Variants in TAOK3 observed in about 807,000 individuals in gnomAD.
TAOK3 encodes TAO kinase 3.
TAOK3 carries 40 observed loss-of-function variants against 120.4 expected under a neutral mutation model. The observed-to-expected ratio is 0.33, with a 90% CI of 0.26 to 0.43. The LOEUF is 0.43. TAOK3 is among the 20% of genes least tolerant of loss of function. TAOK3 has a pLI of 1.00. For missense variants in TAOK3, 821 were observed against 1,112.1 expected (o/e 0.74, Z 3.72); for synonymous variants, 355 against 387.5 (o/e 0.92, Z 0.99).
intron 1 of TAOK3, among the ~76,000 whole-genome samples, chr12:118,324,135 T>G (rs573305901): frequency 1.3e-5 from 2 of 152,304 alleles, no homozygotes; most frequent in East Asian, 3.9e-4. Flanking sequence ...TTTCTCATCT[T>G]TCATCAAAAG....
chr12:118,243,970 T>C (rs1029471352), intron 4 of TAOK3, among the ~76,000 whole-genome samples: 1 of 151,904 alleles, frequency 6.6e-6, no homozygotes, highest in Non-Finnish European at 1.5e-5. Flanking sequence ...TGAGACACTG[T>C]GCCCGGCCTA....
intron 2 of TAOK3, chr12:118,261,705 A>C (rs992982062): frequency 2.6e-5 from 4 of 152,212 alleles, no homozygotes; most frequent in Non-Finnish European, 4.4e-5. Flanking sequence ...GAAAAAAAGA[A>C]ACAAAAAGCA....
At chr12:118,178,210 C>T (rs2036469868) in intron 15 of TAOK3, among the ~76,000 whole-genome samples, 1 of 152,154 alleles carries the variant, frequency 6.6e-6, no homozygotes. Flanking sequence ...CCTCAGCTTC[C>T]CAAAGTGCTG....
chr12:118,212,888 C>G, intron 11 of TAOK3, 26 bp downstream of exon 11: 2 of 1,478,436 alleles, frequency 1.4e-6, no homozygotes, highest in Non-Finnish European at 1.9e-6. Context: ...AAATCCCCCT[C>G]CTCAAATATA....
At chr12:118,181,936 G>C (rs1252439012) in intron 14 of TAOK3, among the ~76,000 whole-genome samples, 1 of 152,234 alleles carries the variant, frequency 6.6e-6, no homozygotes, top group Admixed American at 6.5e-5. Context: ...TGTAATCCCA[G>C]TACTTTGGGA....
At chr12:118,227,972 ATTATAACAGACACCTATCACTTAGAT>A (rs1289151813) in intron 9 of TAOK3, among the ~76,000 whole-genome samples, 1 of 152,184 alleles carries the variant, frequency 6.6e-6, no homozygotes, top group Non-Finnish European at 1.5e-5. Context: ...TTTGTAGAAT[ATTATAACAGACACCTATCACTTAGAT>A]TTATTATAAT....
chr12:118,225,172 C>T (rs151311841), intron 9 of TAOK3, among the ~76,000 whole-genome samples: 3,558 of 143,738 alleles, frequency 0.025, 72 homozygotes, highest in Non-Finnish European at 0.039. Context: ...CACTTGAGTC[C>T]AGGGGGTGGA....
chr12:118,236,305 C>T (rs2040017919), intron 7 of TAOK3: 2 of 152,084 alleles, frequency 1.3e-5, no homozygotes, highest in African/African-American at 4.8e-5. Context: ...AAGATCAAAA[C>T]AAACAAGGAT....
intron 19 of TAOK3, chr12:118,159,655 GACAAA>G (rs1487960133): frequency 6.2e-6 from 1 of 160,372 alleles, no homozygotes; most frequent in Non-Finnish European, 1.4e-5. Flanking sequence ...TGGCTTGACT[GACAAA>G]TTGTCTGTCT....
chr12:118,283,155 G>A lies in TAOK3; in HGVS notation c.-193-16396C>T, dbSNP rs140312243. Among the ~76,000 whole-genome samples the A allele has an allele frequency of 3.9e-5, 6 of 152,276 alleles. No individual in the cohort carries two copies. In the East Asian group the frequency reaches 1.2e-3, roughly 29 times the overall value. On this transcript the variant is annotated intron_variant, in intron 1 of 20. Transcript: ENST00000392533. ...TCTCATGAGTTTTATAAGAGGTATA[G>A]TAGCTGAAGCAGTGCTCAAGTATTC...
intron 1 of TAOK3, among the ~76,000 whole-genome samples, chr12:118,356,575 C>T (rs1187025740): frequency 6.6e-6 from 1 of 151,880 alleles, no homozygotes. Flanking sequence ...GCTGGGATTA[C>T]AGGCGTCAGC....
intron 16 of TAOK3, 102 bp downstream of exon 16, chr12:118,177,099 G>C: frequency 8.0e-7 from 1 of 1,257,730 alleles, no homozygotes; most frequent in African/African-American, 1.5e-5. Flanking sequence ...TAAAGTTTGA[G>C]ACTCACTGGA....
chr12:118,267,435 G>A (rs897486252), intron 1 of TAOK3, among the ~76,000 whole-genome samples: 1 of 151,184 alleles, frequency 6.6e-6, no homozygotes, highest in Non-Finnish European at 1.5e-5. Flanking sequence ...GGCTGGTCTC[G>A]ACCTCCTGAC....
chr12:118,347,551 T>C (rs1017195866), intron 1 of TAOK3, among the ~76,000 whole-genome samples: 6 of 152,180 alleles, frequency 3.9e-5, no homozygotes, highest in African/African-American at 1.4e-4. Context: ...TCTCAGGTCA[T>C]ATCCTTCCAT....
chr12:118,268,977 C>T (rs950262209), intron 1 of TAOK3, among the ~76,000 whole-genome samples: 3 of 151,682 alleles, frequency 2.0e-5, no homozygotes, highest in Admixed American at 1.3e-4. Context: ...CATTGCACTC[C>T]GGCCTGGCAA....
chr12:118,350,896 A>AT (rs999643465), intron 1 of TAOK3, among the ~76,000 whole-genome samples: 6 of 147,536 alleles, frequency 4.1e-5, no homozygotes, highest in Admixed American at 1.4e-4. Flanking sequence ...GAAAAAAAAA[A>AT]GGCCAGGTGT....
intron 1 of TAOK3, among the ~76,000 whole-genome samples, chr12:118,334,427 T>C (rs558298467): frequency 6.6e-6 from 1 of 152,208 alleles, no homozygotes; most frequent in East Asian, 1.9e-4. Flanking sequence ...ATCTAACTCA[T>C]AGAAGCAAAG....
rs2039887930 is a variant in TAOK3 at position 118,233,722 on chromosome 12, C to T, written c.595G>A (p.Asp199Asn). 1 of 1,609,062 alleles carries T rather than the reference C, an allele frequency of 6.2e-7. No individual in the cohort carries two copies. The highest frequency in any genetic ancestry group is 1.3e-5 in the African/African-American group (1 of 74,680). The change falls in exon 9 of 21, where the codon GAT (aspartate) becomes AAT (asparagine). Residue 199 changes from aspartate (D) to asparagine (N), a missense_variant. This residue lies in a region of TAOK3 where 467 missense variants were observed against 540.0 expected (regional missense o/e 0.86). Transcript: ENST00000392533. ...VILAMDEGQY[D>N]GKVDIWSLGI... Reference sequence around the variant, plus strand: ...AGTGACCAAATATCAACTTTCCCATCATACTGTCCTTCATCCATAGCTAAG... The same window carrying T: ...AGTGACCAAATATCAACTTTCCCATTATACTGTCCTTCATCCATAGCTAAG...
chr12:118,352,269 G>T (rs1467695220), intron 1 of TAOK3, among the ~76,000 whole-genome samples: 3 of 151,922 alleles, frequency 2.0e-5, no homozygotes, highest in East Asian at 2.0e-4. Flanking sequence ...ACTTTGGGAG[G>T]CCAAGGCAGG....
Sources: allele counts gnomAD v4.1 joint callset (sites outside exome capture counted in the v4.1 genomes callset), GRCh38; gene constraint gnomAD v4.1.1; regional missense constraint gnomAD v4.1.1; transcripts MANE v1.5; gene names NCBI Gene and HGNC (gene_info 2026-07-23, HGNC 2026-07-21).